The following EFL1 variants were observed in gnomAD, a reference collection of about 807,000 sequenced individuals.
The protein encoded by EFL1 is elongation factor like GTPase 1, also known as elongation factor-like GTPase 1.
EFL1 carries 76 observed loss-of-function variants against 126.7 expected under a neutral mutation model. The observed-to-expected ratio is 0.60, with a 90% CI of 0.50 to 0.73. The LOEUF (loss-of-function observed/expected upper bound fraction) is 0.73, where lower values mean the gene tolerates loss of function less well. EFL1 is among the 30% of genes least tolerant of loss of function. EFL1 has a pLI of 0.00. For missense variants in EFL1, 1,128 were observed against 1,343.2 expected, an observed-to-expected ratio of 0.84 and a Z score of 2.50; for synonymous variants, 410 against 448.4, an observed-to-expected ratio of 0.91 and a Z score of 1.08.
intron 15 of EFL1, among the ~76,000 whole-genome samples, chr15:82,200,706 C>T (rs2074458695): frequency 6.6e-6 from 1 of 152,198 alleles, no homozygotes; most frequent in Non-Finnish European, 1.5e-5. Context: ...CATCTTGGCT[C>T]TGGGAGTTGA....
In EFL1 at chr15:82,247,997, G is replaced by C. The variant is rs567902306; in HGVS notation, c.244+4694C>G. Among the ~76,000 whole-genome samples, 3 of 152,192 alleles carry C rather than the reference G, an allele frequency of 2.0e-5. No homozygotes were observed. The East Asian group carries it at 5.8e-4, about 29-fold the overall frequency. On this transcript the variant is annotated intron_variant, in intron 4 of 19. Transcript: ENST00000268206. ...AGAGACTAATGGTCCAAGTGAATAT[G>C]CTGGAAATGTGGGTTCTAGGACTAC...
intron 4 of EFL1, among the ~76,000 whole-genome samples, chr15:82,241,656 C>A (rs193060238): frequency 1.2e-4 from 19 of 152,302 alleles, no homozygotes; most frequent in African/African-American, 4.6e-4. Context: ...TATTGGGAGC[C>A]AGCCACTATG....
At chr15:82,237,133 A>G (rs904793009) in intron 7 of EFL1, among the ~76,000 whole-genome samples, 1 of 152,206 alleles carries the variant, frequency 6.6e-6, no homozygotes, top group Admixed American at 6.5e-5. Flanking sequence ...ACAGGGCAAG[A>G]CTCTGTCTCA....
In EFL1 at chr15:82,207,305, T is replaced by TACACAC. The variant is rs533413907; in HGVS notation, c.1750+7411_1750+7412insGTGTGT. Among the ~76,000 whole-genome samples the TACACAC allele has an allele frequency of 1.7e-3, 207 of 122,748 alleles. 1 individual carries two copies. The highest frequency in any genetic ancestry group is 4.2e-3 in the Middle Eastern group (1 of 238). 80.5% of individuals were successfully genotyped at this position (122,748 alleles called of 152,430 possible). On this transcript the variant is annotated intron_variant, in intron 15 of 19. Transcript: ENST00000268206. ...GTGTGTGTATATATATATATATATATATACACACACACATATAACATATAT... is the reference window on the plus strand; with the variant it reads ...GTGTGTGTATATATATATATATATATACACACATACACACACACATATAACATATAT...
At chr15:82,133,391 T>C (rs1158669789) in intron 19 of EFL1, among the ~76,000 whole-genome samples, 1 of 152,244 alleles carries the variant, frequency 6.6e-6, no homozygotes, top group Non-Finnish European at 1.5e-5. Flanking sequence ...TGGCATATCC[T>C]AGATTTGTCT....
Position 82,225,696 on chromosome 15 carries a change from CACAATA to C in EFL1, c.1193-438_1193-433del, listed in dbSNP as rs1567070586. Reference sequence around the variant, plus strand: ...AAAATCAATAGCTTTCCCAATCCCCCACAATAACAAGTTAGAAAATAAAATGGACAA... The same window carrying C: ...AAAATCAATAGCTTTCCCAATCCCCCACAAGTTAGAAAATAAAATGGACAA... On this transcript the variant is annotated intron_variant, in intron 11 of 19. Transcript: ENST00000268206. 3.0e-4 allele frequency among the ~76,000 whole-genome samples: 45 copies of C among 152,180 alleles called. 1 individual carries two copies. Among genetic ancestry groups the C allele is most frequent in the South Asian group, 6.2e-4 (3 of 4,826 alleles).
chr15:82,235,910 T>C (rs943330269), intron 7 of EFL1, among the ~76,000 whole-genome samples: 1 of 152,070 alleles, frequency 6.6e-6, no homozygotes, highest in Non-Finnish European at 1.5e-5. Context: ...CAACCCCTAT[T>C]TGCAGACATG....
chr15:82,190,911 CA>C (rs2074352650), intron 15 of EFL1, among the ~76,000 whole-genome samples: 1 of 151,892 alleles, frequency 6.6e-6, no homozygotes. Flanking sequence ...GATATTAGAT[CA>C]CAAGTACAGC....
chr15:82,149,835 C>T (rs1405325606), intron 18 of EFL1, among the ~76,000 whole-genome samples: 2 of 152,142 alleles, frequency 1.3e-5, no homozygotes, highest in Non-Finnish European at 2.9e-5. Context: ...CATTAAATCA[C>T]GAAGCTGGCT....
Position 82,240,565 on chromosome 15 carries a change from A to C in EFL1, c.379-10T>G, listed in dbSNP as rs200787472. ...GCAGAACTGCCTGTGTCTGATAAAA[A>C]CAGAAAGAAAAATGTAAAACTCATG... is the stretch of plus-strand genomic sequence containing the variant. On this transcript the variant is annotated splice_polypyrimidine_tract_variant and intron_variant, in intron 5 of 19. Coordinates refer to ENST00000268206, the MANE Select transcript of EFL1 (RefSeq NM_024580.6). The C allele has an allele frequency of 7.5e-6, 12 of 1,605,294 alleles. No homozygotes were observed. In the South Asian group the frequency reaches 1.4e-4, roughly 18 times the overall value.
chr15:82,230,759 C>CA, intron 8 of EFL1, 89 bp downstream of exon 8: 1 of 1,437,784 alleles, frequency 7.0e-7, no homozygotes, highest in Non-Finnish European at 9.2e-7. Context: ...TAAATTAAAG[C>CA]TGAATTACAT....
In EFL1 at chr15:82,157,816, C is replaced by A; in HGVS notation, c.1927G>T (p.Ala643Ser). Residue 643 changes from alanine to serine, a missense_variant, in exon 17 of 20, where the codon GCT becomes TCT. Physicochemically the swap from Ala to Ser is moderately conservative, Grantham distance 99. Around this residue, in one of 6 missense-constraint regions of EFL1, gnomAD observed 561 missense variants for 641.7 expected, o/e 0.87. Transcript: ENST00000268206. ...ATTAAAATCTGGACACAGGGATCAG[C>A]CTGGTTTAACAGTTTCATTCCTTTT... ...LVKGMKLLNQ[A>S]DPCVQILIQE... 6.2e-7 allele frequency: 1 copy of A among 1,614,010 alleles called. No individual in the cohort carries two copies. Among genetic ancestry groups the A allele is most frequent in the Non-Finnish European group, 8.5e-7 (1 of 1,179,926 alleles).
In EFL1 at chr15:82,218,101, T is replaced by C. The variant is rs558580310; in HGVS notation, c.1611+1551A>G. The stretch of plus-strand genomic sequence containing the variant: ...GAATGCACCCTGGCCAACATTCTGA[T>C]TGTGGCTTTGTGAGACCCTAAGGAG... On this transcript the variant is annotated intron_variant, in intron 14 of 19. Coordinates refer to ENST00000268206, the MANE Select transcript of EFL1 (RefSeq NM_024580.6). Among the ~76,000 whole-genome samples, 6 of 152,292 alleles carry C rather than the reference T, an allele frequency of 3.9e-5. 1 individual carries two copies. Among genetic ancestry groups the C allele is most frequent in the South Asian group, 4.1e-4 (2 of 4,828 alleles).
rs1405994116 is a variant in EFL1, at chr15:82,230,875, C to T, written c.828G>A (p.Lys276=). 2 of 1,611,542 alleles carry T rather than the reference C, an allele frequency of 1.2e-6. No individual in the cohort carries two copies. Among genetic ancestry groups the T allele is most frequent in the African/African-American group, 1.3e-5 (1 of 74,744 alleles). The part of the protein sequence containing the change: ...TLWGDYYINM[K]AKKIMKGDQA... ...GATCACCCTTCATGATCTTTTTAGC[C>T]TTCATATTTATATAGTAATCTCCCC... The change falls in exon 8 of 20, where the codon AAG becomes AAA. Residue 276 remains lysine, a synonymous_variant. Coordinates refer to ENST00000268206, the MANE Select transcript of EFL1 (RefSeq NM_024580.6).
At position 82,219,753 on chromosome 15, in the gene EFL1, A is replaced by C; in HGVS notation, c.1510T>G (p.Ser504Ala). The stretch of plus-strand genomic sequence containing the variant: ...AACACCCGAGCAAATGCAATAAAAG[A>C]CTCTTGGTTGTTTTCTTCCTGGAGC... ...PVLQEENNQE[S>A]FIAFARVFSG... Residue 504 changes from serine to alanine, a missense_variant, in exon 14 of 20, where the codon TCT becomes GCT. Ser to Ala is a moderately conservative substitution (Grantham distance 99, BLOSUM62 1). Around this residue, in one of 6 missense-constraint regions of EFL1, gnomAD observed 120 missense variants for 142.1 expected, o/e 0.84. Coordinates refer to ENST00000268206, the MANE Select transcript of EFL1 (RefSeq NM_024580.6). The C allele has an allele frequency of 1.2e-6, 2 of 1,613,868 alleles. No homozygotes were observed. Among genetic ancestry groups the C allele is most frequent in the Non-Finnish European group, 1.7e-6 (2 of 1,179,928 alleles).
intron 15 of EFL1, among the ~76,000 whole-genome samples, chr15:82,178,604 C>T (rs1027966943): frequency 6.6e-6 from 1 of 152,222 alleles, no homozygotes; most frequent in South Asian, 2.1e-4. Flanking sequence ...GGCCAAAAGG[C>T]AAATCAAGTG....
In EFL1 at chr15:82,138,740, G is replaced by C. The variant is rs763877220; in HGVS notation, c.3092C>G (p.Ala1031Gly). Residue 1031 changes from alanine (A) to glycine (G), a missense_variant, in exon 19 of 20, where the codon GCT becomes GGT. By Grantham distance (60) the Ala-to-Gly change is moderately conservative. Coordinates refer to ENST00000268206, the MANE Select transcript of EFL1 (RefSeq NM_024580.6). ...TTCATCAGCAAAACCAAAGCTTTCA[G>C]CAACAGGCAGCACAGCCTTGATGAT... Reference protein sequence around the residue: ...MFIIKAVLPVAESFGFADEIR... With the variant: ...MFIIKAVLPVGESFGFADEIR... 4 of 1,613,888 alleles carry C rather than the reference G, an allele frequency of 2.5e-6. No homozygotes were observed. The highest frequency in any genetic ancestry group is 3.4e-6 in the Non-Finnish European group (4 of 1,179,944).
chr15:82,158,010 G>A, intron 16 of EFL1, 150 bp from the exon 17 acceptor site: 1 of 898,452 alleles, frequency 1.1e-6, no homozygotes, highest in Non-Finnish European at 1.6e-6. Flanking sequence ...GTGATGTGAA[G>A]AAAACTACCT....
intron 7 of EFL1, among the ~76,000 whole-genome samples, chr15:82,231,574 A>G (rs1227055742): frequency 1.3e-5 from 2 of 152,174 alleles, no homozygotes; most frequent in East Asian, 3.9e-4. Context: ...AAAGGACCTA[A>G]GAAATACCTT....
Sources: gnomAD v4.1 joint callset for allele counts (sites outside exome capture counted in the v4.1 genomes callset) on GRCh38, gnomAD v4.1.1 for gene constraint, gnomAD v4.1.1 regional missense constraint, MANE v1.5 for transcripts, NCBI Gene and HGNC (gene_info 2026-07-23, HGNC 2026-07-21) for gene names.